The following MED24 variants were observed in gnomAD, a reference collection of about 807,000 sequenced individuals.
The protein encoded by MED24 is mediator complex subunit 24, also known as mediator of RNA polymerase II transcription subunit 24.
In MED24, 74 loss-of-function variants were observed where a neutral mutation model predicts 118.8. That is an observed-to-expected ratio of 0.62 (90% confidence interval 0.52 to 0.76). The LOEUF (loss-of-function observed/expected upper bound fraction) is 0.76, where lower values mean the gene tolerates loss of function less well. Ranked by LOEUF, MED24 falls within the 30% of genes least tolerant of loss-of-function variation. MED24 has a pLI of 0.00. For missense variants in MED24, 1,041 were observed against 1,278.9 expected (o/e 0.81, Z 2.84); for synonymous variants, 521 against 523.9 (o/e 0.99, Z 0.08).
chr17:40,041,535 G>A (rs1008555259), intron 3 of MED24, among the ~76,000 whole-genome samples: 3 of 152,138 alleles, frequency 2.0e-5, no homozygotes, highest in African/African-American at 7.2e-5. Flanking sequence ...TACCAGACAC[G>A]TATGTTCAAC....
intron 8 of MED24, 24 bp from the exon 9 acceptor site, chr17:40,032,786 G>T (rs775842112): frequency 6.3e-7 from 1 of 1,595,098 alleles, no homozygotes; most frequent in South Asian, 1.1e-5. Context: ...CAAGGATGAG[G>T]CCTAAGAGGG....
intron 3 of MED24, among the ~76,000 whole-genome samples, chr17:40,051,161 T>C (rs1402937012): frequency 8.8e-6 from 1 of 113,328 alleles, no homozygotes; most frequent in South Asian, 3.3e-4. Context: ...AAAAAAAAAA[T>C]TTTGCCAGGA....
At chr17:40,030,488 G>A (rs1435557040) in intron 12 of MED24, among the ~76,000 whole-genome samples, 1 of 151,804 alleles carries the variant, frequency 6.6e-6, no homozygotes, top group Non-Finnish European at 1.5e-5. Flanking sequence ...TAGAGATGGG[G>A]TTTCACCACG....
At chr17:40,046,784 G>A (rs1374729321) in intron 3 of MED24, among the ~76,000 whole-genome samples, 2 of 151,770 alleles carry the variant, frequency 1.3e-5, no homozygotes, top group Non-Finnish European at 2.9e-5. Context: ...GCCAGGCATG[G>A]GTGGATCACA....
rs186588706 is a variant in MED24, at chr17:40,028,974, G to A, written c.1267-6C>T. ...GAGTGGTCTGCATCCATCGTCTGGG[G>A]ACAGGACAGGAAATCAAGTCCTGAA... On this transcript the variant is annotated splice_polypyrimidine_tract_variant and splice_region_variant and intron_variant, in intron 13 of 25. Coordinates refer to ENST00000394128, the MANE Select transcript of MED24 (RefSeq NM_014815.4). 913 of 1,614,192 alleles carry A rather than the reference G, an allele frequency of 5.7e-4. 2 individuals carry two copies. Among genetic ancestry groups the A allele is most frequent in the Middle Eastern group, 4.3e-3 (26 of 6,062 alleles).
chr17:40,022,296 G>A (rs189025204), intron 22 of MED24, 98 bp downstream of exon 22: 4 of 1,293,432 alleles, frequency 3.1e-6, no homozygotes, highest in Non-Finnish European at 4.3e-6. Context: ...CCCAAGGGCA[G>A]GGGCCACAAC....
intron 9 of MED24, 149 bp downstream of exon 9, chr17:40,032,500 G>GA (rs1983506055): frequency 3.1e-6 from 2 of 640,796 alleles, no homozygotes; most frequent in Non-Finnish European, 5.5e-6. Context: ...CACTTTCAGA[G>GA]AAAATGATCA....
rs1260759531 is a variant in MED24, at chr17:40,031,259, A to C, written c.1068-14T>G. On this transcript the variant is annotated splice_polypyrimidine_tract_variant and intron_variant, in intron 11 of 25. Coordinates refer to ENST00000394128, the MANE Select transcript of MED24 (RefSeq NM_014815.4). ...GTACAGTCACAGCTGTGAGGGAGAA[A>C]GATGCTGAGGGAACTGGGCACCTGG... 1 of 1,558,626 alleles carries C rather than the reference A, an allele frequency of 6.4e-7. No individual in the cohort carries two copies. Among genetic ancestry groups the C allele is most frequent in the Non-Finnish European group, 8.7e-7 (1 of 1,150,082 alleles).
chr17:40,035,025 A>T (rs1292744592), intron 6 of MED24, 92 bp downstream of exon 6: 1 of 1,612,198 alleles, frequency 6.2e-7, no homozygotes, highest in Non-Finnish European at 8.5e-7. Flanking sequence ...TCCTGGAAAG[A>T]GGTGGGATGG....
intron 19 of MED24, chr17:40,023,689 T>C (rs1598334220): frequency 3.2e-6 from 1 of 317,122 alleles, no homozygotes; most frequent in South Asian, 5.6e-5. Context: ...TTCTCCAACT[T>C]CCCCCATCCC....
Position 40,023,316 on chromosome 17 carries a change from A to C in MED24, c.2065T>G (p.Ser689Ala), listed in dbSNP as rs776638418. 1 of 1,613,920 alleles carries C rather than the reference A, an allele frequency of 6.2e-7. No homozygotes were observed. The highest frequency in any genetic ancestry group is 8.5e-7 in the Non-Finnish European group (1 of 1,179,928). Residue 689 changes from serine (S) to alanine (A), a missense_variant, in exon 20 of 26, where the codon TCC becomes GCC. Ser to Ala is a moderately conservative substitution (Grantham distance 99, BLOSUM62 1). This residue lies in a region of MED24 where 587 missense variants were observed against 694.4 expected (regional missense o/e 0.85). Coordinates refer to ENST00000394128, the MANE Select transcript of MED24 (RefSeq NM_014815.4). Reference sequence around the variant, plus strand: ...TAGGGCATTGTGTCCACCCCGGTGGAGGGAAACTTGATCTGCGTGGCTGTC... The same window carrying C: ...TAGGGCATTGTGTCCACCCCGGTGGCGGGAAACTTGATCTGCGTGGCTGTC... Reference protein sequence around the residue: ...QQTATQIKFPSTGVDTMPYWN... With the variant: ...QQTATQIKFPATGVDTMPYWN...
chr17:40,033,686 C>T lies in MED24; in HGVS notation c.560-230G>A. The T allele has an allele frequency of 1.5e-6, 1 of 661,454 alleles. No individual in the cohort carries two copies. Among genetic ancestry groups the T allele is most frequent in the East Asian group, 3.0e-5 (1 of 33,586 alleles). The allele number at this position is 661,454 out of a possible 1,614,324, so 41.0% of individuals were successfully genotyped here. ...GAGACCATTCCCAAAAGCCTGATTT[C>T]CAGGGGACACAGCCAGCTGACTTCA... On this transcript the variant is annotated intron_variant, in intron 6 of 25. Coordinates refer to ENST00000394128, the MANE Select transcript of MED24 (RefSeq NM_014815.4). The surrounding 1 kb of genome is among the most constrained non-coding windows in gnomAD (Gnocchi z 5.2).
At chr17:40,044,007 T>C (rs1405261634) in intron 3 of MED24, among the ~76,000 whole-genome samples, 1 of 149,066 alleles carries the variant, frequency 6.7e-6, no homozygotes, top group Non-Finnish European at 1.5e-5. Flanking sequence ...CACCCGCCCA[T>C]AGTCCCAGCT....
intron 3 of MED24, among the ~76,000 whole-genome samples, chr17:40,046,119 C>T (rs1985158042): frequency 1.6e-5 from 2 of 123,744 alleles, no homozygotes; most frequent in East Asian, 2.2e-4. Context: ...CGGAGTCTCA[C>T]TGTTGCCCAG....
chr17:40,026,272 C>A lies in MED24; in HGVS notation c.1869G>T (p.Trp623Cys). Residue 623 changes from tryptophan (W) to cysteine (C), a missense_variant, in exon 19 of 26, where the codon TGG (tryptophan) becomes TGT (cysteine). Physicochemically the swap from Trp to Cys is radical, Grantham distance 215. Coordinates refer to ENST00000394128, the MANE Select transcript of MED24 (RefSeq NM_014815.4). ...CCAGCATCCGGACGTGGGCCACAAGCCAAGCCACAGCACACACCGCCAGAC... is the reference window on the plus strand; with the variant it reads ...CCAGCATCCGGACGTGGGCCACAAGACAAGCCACAGCACACACCGCCAGAC... ...VCSLAVCAVA[W>C]LVAHVRMLGL... The A allele has an allele frequency of 6.2e-7, 1 of 1,614,206 alleles. No homozygotes were observed. Among genetic ancestry groups the A allele is most frequent in the East Asian group, 2.2e-5 (1 of 44,890 alleles).
chr17:40,029,026 T>A (rs778142820), intron 13 of MED24, 58 bp from the exon 14 acceptor site: 20 of 1,607,278 alleles, frequency 1.2e-5, no homozygotes, highest in Admixed American at 1.7e-5. Context: ...CCACCCAAGA[T>A]ACAGCCTAGC....
intron 3 of MED24, among the ~76,000 whole-genome samples, chr17:40,051,683 G>T (rs988395639): frequency 2.6e-4 from 40 of 152,170 alleles, no homozygotes; most frequent in Admixed American, 4.6e-4. Context: ...AGCACTTTGG[G>T]AGGCCGAGGT....
intron 19 of MED24, among the ~76,000 whole-genome samples, chr17:40,024,132 G>A (rs1015057579): frequency 2.9e-4 from 44 of 152,110 alleles, no homozygotes; most frequent in African/African-American, 1.1e-3. Context: ...GAAGGTGGTG[G>A]AGAAATGAGA....
rs1982178235 is a variant in MED24 at position 40,022,693 on chromosome 17, G to A, written c.2384C>T (p.Ser795Phe). ...GHILPGLLTD[S>F]SKWHSLMDPP... ...GTCCATGAGGCTGTGCCACTTGGAG[G>A]AGTCAGTGAGCAGGCCAGGTAGGAT... Residue 795 changes from serine to phenylalanine, a missense_variant, in exon 21 of 26, where the codon TCC becomes TTC. Ser to Phe is a radical substitution (Grantham distance 155). Coordinates refer to ENST00000394128, the MANE Select transcript of MED24 (RefSeq NM_014815.4). 1.1e-5 allele frequency: 18 copies of A among 1,613,884 alleles called. No individual in the cohort carries two copies. Among genetic ancestry groups the A allele is most frequent in the Non-Finnish European group, 1.5e-5 (18 of 1,179,992 alleles).
Sources: allele counts gnomAD v4.1 joint callset (sites outside exome capture counted in the v4.1 genomes callset), GRCh38; gene constraint gnomAD v4.1.1; regional missense constraint gnomAD v4.1.1; non-coding constraint Gnocchi (gnomAD v3.1); transcripts MANE v1.5; gene names NCBI Gene and HGNC (gene_info 2026-07-23, HGNC 2026-07-21).